The following FXR1 variants were observed in gnomAD, a reference collection of about 807,000 sequenced individuals.
FXR1 encodes FMR1 autosomal homolog 1.
FXR1 carries 15 observed loss-of-function variants against 84.0 expected under a neutral mutation model. The ratio of observed to expected loss-of-function variants is 0.18; its 90% confidence interval spans 0.12 to 0.27. The LOEUF is 0.27. Among genes scored for constraint, FXR1 ranks in the 10% least tolerant of loss-of-function variants. FXR1 has a pLI of 1.00. For synonymous variants in FXR1, 245 were observed against 250.7 expected, an observed-to-expected ratio of 0.98 and a Z score of 0.21; for missense variants, 480 against 774.4, an observed-to-expected ratio of 0.62 and a Z score of 4.51.
At chr3:180,914,529 A>C (rs1358353140) in intron 1 of FXR1, 1 of 152,370 alleles carries the variant, frequency 6.6e-6, no homozygotes, top group African/African-American at 2.4e-5. Flanking sequence ...TTTTTAGCAA[A>C]GTATATTTGT....
chr3:180,933,181 A>G (rs1286435696), intron 1 of FXR1, 153 bp from the exon 2 acceptor site: 1 of 585,978 alleles, frequency 1.7e-6, no homozygotes, highest in Non-Finnish European at 3.0e-6. Context: ...CATGTGTCTC[A>G]TAAATAGAAT....
At chr3:180,943,221 C>T (rs1190774525) in intron 3 of FXR1, among the ~76,000 whole-genome samples, 1 of 145,268 alleles carries the variant, frequency 6.9e-6, no homozygotes, top group Non-Finnish European at 1.5e-5. Context: ...CCCGCCTTGG[C>T]ATCCCGAAGT....
At chr3:180,949,490 G>T in intron 7 of FXR1, 147 bp downstream of exon 7, 1 of 645,314 alleles carries the variant, frequency 1.5e-6, no homozygotes, top group Non-Finnish European at 2.8e-6. Context: ...GGATTCAAGC[G>T]GTTCTCCTGC....
Position 180,958,224 on chromosome 3 carries a change from G to C in FXR1, c.990+296G>C, listed in dbSNP as rs376798993. Among the ~76,000 whole-genome samples, 15 of 152,216 alleles carry C rather than the reference G, an allele frequency of 9.9e-5. No individual in the cohort carries two copies. The South Asian group carries it at 2.9e-3, about 29-fold the overall frequency. ...CGTAGAGTGTAAAGCTGTAGAACTT[G>C]ATACTCCAAAAGGAATTTTTTTTTT... On this transcript the variant is annotated intron_variant, in intron 10 of 16. Coordinates refer to ENST00000357559, the MANE Select transcript of FXR1 (RefSeq NM_005087.4).
At chr3:180,957,367 A>T (rs888866045) in intron 9 of FXR1, among the ~76,000 whole-genome samples, 4 of 152,178 alleles carry the variant, frequency 2.6e-5, no homozygotes, top group Non-Finnish European at 4.4e-5. Context: ...AAGTCATAGA[A>T]ATCTCTTGGA....
At chr3:180,916,344 T>C (rs1295426536) in intron 1 of FXR1, among the ~76,000 whole-genome samples, 1 of 152,200 alleles carries the variant, frequency 6.6e-6, no homozygotes, top group African/African-American at 2.4e-5. Flanking sequence ...TATATATTAG[T>C]CTTTGTAATA....
At chr3:180,934,133 G>A (rs1720265133) in intron 2 of FXR1, among the ~76,000 whole-genome samples, 1 of 152,032 alleles carries the variant, frequency 6.6e-6, no homozygotes, top group Non-Finnish European at 1.5e-5. Context: ...CTGTTTAATT[G>A]ATGGTCAGAA....
chr3:180,951,759 T>A (rs1345606945), intron 8 of FXR1, among the ~76,000 whole-genome samples: 1 of 151,434 alleles, frequency 6.6e-6, no homozygotes, highest in Admixed American at 6.6e-5. Flanking sequence ...TCTATCGAAG[T>A]ATTTTTTTGA....
chr3:180,964,673 T>TTTTATATATATATATATATATATATA lies in FXR1; in HGVS notation c.1198+1584_1198+1585insTTATATATATATATATATATATATAT, dbSNP rs148208441. 1.6e-4 allele frequency among the ~76,000 whole-genome samples: 22 copies of TTTTATATATATATATATATATATATA among 136,342 alleles called. 1 individual carries two copies. The highest frequency in any genetic ancestry group is 6.1e-4 in the African/African-American group (21 of 34,570). 89.4% of individuals were successfully genotyped at this position (136,342 alleles called of 152,430 possible). A position where few individuals can be genotyped will look rare whatever the true frequency, so the allele number is the denominator to read the frequency against. On this transcript the variant is annotated intron_variant, in intron 13 of 16. Coordinates refer to ENST00000357559, the MANE Select transcript of FXR1 (RefSeq NM_005087.4). ...TATATCAGAGGGACTTGTAGTTGATTTATATATATATATATATATATATAT... is the reference window on the plus strand; with the variant it reads ...TATATCAGAGGGACTTGTAGTTGATTTTTATATATATATATATATATATATATATATATATATATATATATATATAT...
At chr3:180,928,247 G>T (rs1028784471) in intron 1 of FXR1, among the ~76,000 whole-genome samples, 1 of 151,280 alleles carries the variant, frequency 6.6e-6, no homozygotes, top group Non-Finnish European at 1.5e-5. Flanking sequence ...AACGACTTTA[G>T]GCCTACTTTT....
At chr3:180,973,294 ATAT>A (rs1223679011) in intron 15 of FXR1, among the ~76,000 whole-genome samples, 15 of 152,186 alleles carry the variant, frequency 9.9e-5, no homozygotes, top group East Asian at 3.9e-4. Flanking sequence ...CTATATCAAA[ATAT>A]TATTCTGTCT....
chr3:180,929,883 G>A (rs955761973), intron 1 of FXR1, among the ~76,000 whole-genome samples: 2 of 152,198 alleles, frequency 1.3e-5, no homozygotes, highest in Admixed American at 6.5e-5. Flanking sequence ...GTTAGAAATC[G>A]TTCACTACAG....
At position 180,980,490 on chromosome 3, in the gene FXR1, T is replaced by C. The variant is rs1192526236; in HGVS notation, c.*4198T>C. On this transcript the variant is annotated 3_prime_UTR_variant, in exon 17 of 17. Transcript: ENST00000357559. ...TTTTAGAGACCATTTTCATTAAAAA[T>C]ATTTTCCAATAGTTTTTCTAGATAA... 4 of 152,024 alleles carry C rather than the reference T, an allele frequency of 2.6e-5. No individual in the cohort carries two copies. The highest frequency in any genetic ancestry group is 9.7e-5 in the African/African-American group (4 of 41,440). 9.4% of individuals were successfully genotyped at this position (152,024 alleles called of 1,614,324 possible).
chr3:180,916,702 C>T (rs1255694167), intron 1 of FXR1, among the ~76,000 whole-genome samples: 7 of 151,658 alleles, frequency 4.6e-5, no homozygotes, highest in African/African-American at 1.7e-4. Flanking sequence ...CCACCACGCC[C>T]GACCATGAGT....
At chr3:180,929,109 C>G (rs554215892) in intron 1 of FXR1, among the ~76,000 whole-genome samples, 1 of 152,014 alleles carries the variant, frequency 6.6e-6, no homozygotes, top group Non-Finnish European at 1.5e-5. Flanking sequence ...TTAGTAGAGA[C>G]GGGGTTTCTC....
chr3:180,968,374 G>A (rs1340832381), intron 14 of FXR1, 120 bp downstream of exon 14: 1 of 689,774 alleles, frequency 1.4e-6, no homozygotes, highest in Non-Finnish European at 2.6e-6. Context: ...CATTGTCTTA[G>A]AGAAAGTAGT....
intron 1 of FXR1, among the ~76,000 whole-genome samples, chr3:180,930,837 C>G (rs1023050934): frequency 6.6e-6 from 1 of 151,820 alleles, no homozygotes; most frequent in Non-Finnish European, 1.5e-5. Flanking sequence ...GAGTTCGAGA[C>G]CAGCCTGGCC....
At chr3:180,968,278 G>T (rs1434211446) in intron 14 of FXR1, 24 bp downstream of exon 14, 1 of 1,451,818 alleles carries the variant, frequency 6.9e-7, no homozygotes, top group Non-Finnish European at 9.7e-7. Context: ...TACTCTGTCA[G>T]CATCCATTAT....
In FXR1 at chr3:180,963,101, ATTTT is replaced by A. The variant is rs529783282; in HGVS notation, c.1198+26_1198+29del. The A allele has an allele frequency of 2.6e-4, 228 of 866,528 alleles. No homozygotes were observed. Among genetic ancestry groups the A allele is most frequent in the South Asian group, 1.1e-3 (71 of 63,784 alleles). The allele number at this position is 866,528 out of a possible 1,614,324, so 53.7% of individuals were successfully genotyped here. A position where few individuals can be genotyped will look rare whatever the true frequency, so the allele number is the denominator to read the frequency against. On this transcript the variant is annotated intron_variant, in intron 13 of 16. Transcript: ENST00000357559. ...ACACCTCCGGTTATGGTAAAAAAAA[ATTTT>A]TTTTTTTTTTTTTTGGTAATAGTAA...
Sources: gnomAD v4.1 joint callset for allele counts (sites outside exome capture counted in the v4.1 genomes callset) on GRCh38, gnomAD v4.1.1 for gene constraint, MANE v1.5 for transcripts, NCBI Gene and HGNC (gene_info 2026-07-23, HGNC 2026-07-21) for gene names.